The following TMEM214 variants were observed in gnomAD, a reference collection of about 807,000 sequenced individuals.
The protein encoded by TMEM214 is transmembrane protein 214.
TMEM214 carries 71 observed loss-of-function variants against 89.8 expected under a neutral mutation model. The observed-to-expected ratio is 0.79, with a 90% CI of 0.65 to 0.96. TMEM214 has a LOEUF of 0.96. Among genes scored for constraint, TMEM214 ranks in the 40% least tolerant of loss-of-function variants. TMEM214 has a pLI of 0.00. For missense variants in TMEM214, 754 were observed against 843.4 expected (o/e 0.89, Z 1.31); for synonymous variants, 332 against 349.5 (o/e 0.95, Z 0.56).
chr2:27,037,143 C>T lies in TMEM214; in HGVS notation c.975C>T (p.Asp325=), dbSNP rs775288184. 3.7e-6 allele frequency: 6 copies of T among 1,614,090 alleles called. No individual in the cohort carries two copies. In the South Asian group the frequency reaches 6.6e-5, roughly 18 times the overall value. ...IGPKDFFPLL[D]FAYMPNNSLT... ...CCAAGGACTTCTTCCCACTTCTGGA[C>T]TTTGCCTATATGCCGAACAACTCCC... Residue 325 remains aspartate (D), a synonymous_variant, in exon 8 of 17, where the codon GAC becomes GAT. Transcript: ENST00000238788.
chr2:27,040,301 C>T lies in TMEM214; in HGVS notation c.1792-44C>T, dbSNP rs150081532. The T allele has an allele frequency of 7.4e-6, 12 of 1,611,526 alleles. No individual in the cohort carries two copies. The East Asian group carries it at 2.5e-4, about 33-fold the overall frequency. ...GGCCTGAGTCTTTAGGGCCAGGATG[C>T]AGTTCCCTGGATACTCTGACCCCAT... On this transcript the variant is annotated intron_variant, in intron 15 of 16. Coordinates refer to ENST00000238788, the MANE Select transcript of TMEM214 (RefSeq NM_017727.5).
chr2:27,035,517 C>T (rs1667516566), intron 3 of TMEM214, 77 bp from the exon 4 acceptor site: 2 of 1,585,960 alleles, frequency 1.3e-6, no homozygotes, highest in Admixed American at 1.7e-5. Flanking sequence ...ACTCACCATT[C>T]CCAGGGAGAG....
chr2:27,038,912 C>A lies in TMEM214; in HGVS notation c.1407+97C>A. On this transcript the variant is annotated intron_variant, in intron 12 of 16. Coordinates refer to ENST00000238788, the MANE Select transcript of TMEM214 (RefSeq NM_017727.5). The surrounding 1 kb of genome is among the most constrained non-coding windows in gnomAD (Gnocchi z 4.4). ...TGTATCACATTCCTGCCCCACCTGT[C>A]TGGAGCCCCCCGCTGCCTCCAGGAT... is the stretch of plus-strand genomic sequence containing the variant. 1 of 1,417,470 alleles carries A rather than the reference C, an allele frequency of 7.1e-7. No individual in the cohort carries two copies. Among genetic ancestry groups the A allele is most frequent in the South Asian group, 1.2e-5 (1 of 84,554 alleles). The allele number at this position is 1,417,470 out of a possible 1,614,324, so 87.8% of individuals were successfully genotyped here. A position where few individuals can be genotyped will look rare whatever the true frequency, so the allele number is the denominator to read the frequency against.
In TMEM214 at chr2:27,038,509, T is replaced by G. The variant is rs148683509; in HGVS notation, c.1270T>G (p.Ser424Ala). The G allele has an allele frequency of 1.2e-4, 198 of 1,614,016 alleles. 1 individual carries two copies. The African/African-American group carries it at 2.2e-3, about 18-fold the overall frequency. The change falls in exon 11 of 17, where the codon TCC (serine) becomes GCC (alanine). Residue 424 changes from serine (S) to alanine (A), a missense_variant. Ser to Ala is a moderately conservative substitution (Grantham distance 99). Coordinates refer to ENST00000238788, the MANE Select transcript of TMEM214 (RefSeq NM_017727.5). The surrounding 1 kb of genome is among the most constrained non-coding windows in gnomAD (Gnocchi z 4.4). ...CCTTCTGCTGGAGCACTTGCTCAGC[T>G]CCTGGGAGCAGATTCCCAAGAAGGT... ...SSLLLEHLLS[S>A]WEQIPKKVQK...
chr2:27,034,845 A>G (rs1572785762), intron 2 of TMEM214, among the ~76,000 whole-genome samples: 3 of 152,062 alleles, frequency 2.0e-5, no homozygotes, highest in East Asian at 3.9e-4. Context: ...TGGCCTCCCA[A>G]AGTGCTGGGA....
chr2:27,037,509 C>T, intron 8 of TMEM214, 52 bp from the exon 9 acceptor site: 25 of 1,611,848 alleles, frequency 1.6e-5, no homozygotes, highest in Non-Finnish European at 2.0e-5. Context: ...AGGTTCATAT[C>T]ATACAGCTCC....
rs1667654143 is a variant in TMEM214, at chr2:27,038,141, T to C, written c.1153-5T>C. ...AGCAGCCTCTCCCTCTGTCGTGCTG[T>C]GCAGCTCCTGAGCAGCCTGACTGAG... On this transcript the variant is annotated splice_polypyrimidine_tract_variant and splice_region_variant and intron_variant, in intron 9 of 16. Coordinates refer to ENST00000238788, the MANE Select transcript of TMEM214 (RefSeq NM_017727.5). The surrounding 1 kb of genome is among the most constrained non-coding windows in gnomAD (Gnocchi z 4.4). The C allele has an allele frequency of 1.2e-6, 2 of 1,614,004 alleles. No individual in the cohort carries two copies. Among genetic ancestry groups the C allele is most frequent in the South Asian group, 2.2e-5 (2 of 91,090 alleles).
Position 27,038,267 on chromosome 2 carries a change from T to G in TMEM214, c.1244+30T>G, listed in dbSNP as rs1230051932. On this transcript the variant is annotated intron_variant, in intron 10 of 16. Coordinates refer to ENST00000238788, the MANE Select transcript of TMEM214 (RefSeq NM_017727.5). The surrounding 1 kb of genome is among the most constrained non-coding windows in gnomAD (Gnocchi z 4.4). ...GTGGGGTGGGAGGCCAGCCTGTCCC[T>G]GTGCTAGAAGCAGAAGGGGAGCCTG... 6.2e-7 allele frequency: 1 copy of G among 1,608,364 alleles called. No homozygotes were observed. Among genetic ancestry groups the G allele is most frequent in the East Asian group, 2.2e-5 (1 of 44,734 alleles).
Position 27,040,999 on chromosome 2 carries a change from G to A in TMEM214, c.*162G>A. On this transcript the variant is annotated 3_prime_UTR_variant, in exon 17 of 17. Coordinates refer to ENST00000238788, the MANE Select transcript of TMEM214 (RefSeq NM_017727.5). The stretch of plus-strand genomic sequence containing the variant: ...CACCTCAGTTCTTCCATCTTTGGTG[G>A]GGACAGGGCCCAGCAGCATCTCAGC... The A allele has an allele frequency of 1.2e-6, 1 of 826,268 alleles. No individual in the cohort carries two copies. The highest frequency in any genetic ancestry group is 1.9e-6 in the Non-Finnish European group (1 of 537,406). 51.2% of individuals were successfully genotyped at this position (826,268 alleles called of 1,614,324 possible). A position where few individuals can be genotyped will look rare whatever the true frequency, so the allele number is the denominator to read the frequency against.
chr2:27,040,201 AAGTC>A lies in TMEM214; in HGVS notation c.1791+6_1791+9del. ...GTCTCACCAGTCTCTCTCAGAGGGT[AAGTC>A]AGAGACAGGGAGTCAAATAAGGGGC... On this transcript the variant is annotated splice_donor_5th_base_variant and intron_variant, in intron 15 of 16. Transcript: ENST00000238788. 6.2e-7 allele frequency: 1 copy of A among 1,605,742 alleles called. No homozygotes were observed. Among genetic ancestry groups the A allele is most frequent in the Non-Finnish European group, 8.5e-7 (1 of 1,179,938 alleles).
chr2:27,037,507 A>G (rs1010500346), intron 8 of TMEM214, 54 bp from the exon 9 acceptor site: 2 of 1,611,734 alleles, frequency 1.2e-6, no homozygotes, highest in Non-Finnish European at 1.7e-6. Flanking sequence ...AAAGGTTCAT[A>G]TCATACAGCT....
rs374165594 is a variant in TMEM214 at position 27,040,116 on chromosome 2, A to T, written c.1709A>T (p.Asn570Ile). ...TTGCAGCTGGCCTGGGCTCACACCA[A>T]TGCCACAGTCAGCTTCCTTTCTGCC... ...PSLQLAWAHT[N>I]ATVSFLSAHC... is the part of the protein sequence containing the mutation. The change falls in exon 15 of 17, where the codon AAT becomes ATT. Residue 570 changes from asparagine to isoleucine, a missense_variant. Transcript: ENST00000238788. The T allele has an allele frequency of 3.2e-5, 52 of 1,609,310 alleles. No individual in the cohort carries two copies. Among genetic ancestry groups the T allele is most frequent in the Non-Finnish European group, 4.3e-5 (51 of 1,180,016 alleles).
chr2:27,038,034 T>C lies in TMEM214; in HGVS notation c.1153-112T>C, dbSNP rs1414819793. On this transcript the variant is annotated intron_variant, in intron 9 of 16. Transcript: ENST00000238788. The surrounding 1 kb of genome is among the most constrained non-coding windows in gnomAD (Gnocchi z 4.4). ...GACACTGTTTCTCCACCCCTTAGGG[T>C]GGATGTGCGGCCTGGATGGCCTTGC... 3 of 1,608,528 alleles carry C rather than the reference T, an allele frequency of 1.9e-6. No homozygotes were observed. Among genetic ancestry groups the C allele is most frequent in the Non-Finnish European group, 2.5e-6 (3 of 1,178,304 alleles).
Position 27,041,159 on chromosome 2 carries a change from A to C in TMEM214, c.*322A>C. On this transcript the variant is annotated 3_prime_UTR_variant, in exon 17 of 17. Coordinates refer to ENST00000238788, the MANE Select transcript of TMEM214 (RefSeq NM_017727.5). ...CCACTTCCTTCCATCTCATTTCTAA[A>C]CCCCAAACAGCTCATCTCTAAAAAG... The C allele has an allele frequency of 3.6e-6, 1 of 274,498 alleles. No individual in the cohort carries two copies. Among genetic ancestry groups the C allele is most frequent in the Admixed American group, 4.7e-5 (1 of 21,214 alleles). The allele number at this position is 274,498 out of a possible 1,614,324, so 17.0% of individuals were successfully genotyped here. A position where few individuals can be genotyped will look rare whatever the true frequency, so the allele number is the denominator to read the frequency against.
chr2:27,037,447 G>A, intron 8 of TMEM214, 114 bp from the exon 9 acceptor site: 1 of 1,303,504 alleles, frequency 7.7e-7, no homozygotes, highest in Non-Finnish European at 1.1e-6. Context: ...GCCATTGCAA[G>A]GTCCTCAGTG....
In TMEM214 at chr2:27,040,966, G is replaced by C; in HGVS notation, c.*129G>C. On this transcript the variant is annotated 3_prime_UTR_variant, in exon 17 of 17. Coordinates refer to ENST00000238788, the MANE Select transcript of TMEM214 (RefSeq NM_017727.5). ...GAGTTCTCTCCTAGGCAAGTGGCCA[G>C]TTGCCTCCACCTCAGTTCTTCCATC... 4.2e-6 allele frequency: 5 copies of C among 1,178,154 alleles called. No homozygotes were observed. Among genetic ancestry groups the C allele is most frequent in the Non-Finnish European group, 6.0e-6 (5 of 838,758 alleles). 73.0% of individuals were successfully genotyped at this position (1,178,154 alleles called of 1,614,324 possible).
At chr2:27,034,874 G>T (rs572412408) in intron 2 of TMEM214, among the ~76,000 whole-genome samples, 4 of 152,178 alleles carry the variant, frequency 2.6e-5, no homozygotes, top group African/African-American at 7.2e-5. Context: ...GTGAGCCACC[G>T]CGCCTGGCCC....
chr2:27,035,152 G>A lies in TMEM214; in HGVS notation c.369G>A (p.Leu123=), dbSNP rs1214393259. The change falls in exon 3 of 17, where the codon CTG becomes CTA. Residue 123 remains leucine (L), a synonymous_variant. Transcript: ENST00000238788. The part of the protein sequence containing the change: ...EALKALDVAD[L]QKELDKSQSV... ...CCTGGCAGCTGGATGTGGCAGACCT[G>A]CAGAAGGAACTGGACAAGAGCCAGA... The A allele has an allele frequency of 6.2e-7, 1 of 1,614,098 alleles. No individual in the cohort carries two copies. Among genetic ancestry groups the A allele is most frequent in the Non-Finnish European group, 8.5e-7 (1 of 1,180,016 alleles).
intron 9 of TMEM214, 119 bp downstream of exon 9, chr2:27,037,821 G>A (rs780409800): frequency 2.3e-5 from 36 of 1,597,746 alleles, no homozygotes; most frequent in East Asian, 2.3e-5. Context: ...TTAGCTCCCT[G>A]TTGACAGCTG....
Sources: allele counts gnomAD v4.1 joint callset (sites outside exome capture counted in the v4.1 genomes callset), GRCh38; gene constraint gnomAD v4.1.1; non-coding constraint Gnocchi (gnomAD v3.1); transcripts MANE v1.5; gene names NCBI Gene and HGNC (gene_info 2026-07-23, HGNC 2026-07-21).